The following DOC2A variants were observed in gnomAD, a reference collection of about 807,000 sequenced individuals.
The protein encoded by DOC2A is double C2 domain alpha, also known as double C2-like domain-containing protein alpha.
A neutral mutation model predicts 40.6 loss-of-function variants in DOC2A; 28 were observed. The observed-to-expected ratio is 0.69, with a 90% confidence interval of 0.51 to 0.95. The LOEUF is 0.95. DOC2A is among the 40% of genes least tolerant of loss of function. DOC2A has a pLI of 0.00. For synonymous variants in DOC2A, 241 were observed against 236.9 expected, an observed-to-expected ratio of 1.02 and a Z score of -0.16; for missense variants, 474 against 552.5, an observed-to-expected ratio of 0.86 and a Z score of 1.42.
At chr16:30,017,974 A>AAAAT (rs1358180411) in intron 1 of DOC2A, among the ~76,000 whole-genome samples, 2 of 149,254 alleles carry the variant, frequency 1.3e-5, no homozygotes, top group Non-Finnish European at 3.0e-5. Flanking sequence ...AAAAAAAAAA[A>AAAAT]AAAAGAAAGA....
chr16:30,017,100 A>T (rs2070862248), upstream of DOC2A, among the ~76,000 whole-genome samples: 1 of 152,114 alleles, frequency 6.6e-6, no homozygotes, highest in Non-Finnish European at 1.5e-5. Context: ...AGCCTGGTCA[A>T]CATGACGAAA....
At position 30,010,374 on chromosome 16, in the gene DOC2A, C is replaced by A. The variant is rs2070746746; in HGVS notation, c.-13-139G>T. 6 of 1,242,928 alleles carry A rather than the reference C, an allele frequency of 4.8e-6. No homozygotes were observed. Among genetic ancestry groups the A allele is most frequent in the African/African-American group, 4.4e-5 (3 of 67,510 alleles). 77.0% of individuals were successfully genotyped at this position (1,242,928 alleles called of 1,614,324 possible). ...CGAGGGAGAGGGTGGTGTGTGCCAG[C>A]CGGTGGCAGGTGGGAGGCCTGGGCC... is the stretch of plus-strand genomic sequence containing the variant. On this transcript the variant is annotated intron_variant, in intron 1 of 10. Transcript: ENST00000350119. This position sits in a 1 kb window ranked among gnomAD's most constrained non-coding sequence, Gnocchi z 4.2.
chr16:30,011,194 A>C, upstream of DOC2A: 1 of 662,718 alleles, frequency 1.5e-6, no homozygotes, highest in Non-Finnish European at 1.9e-6. Flanking sequence ...GCGCGCGCAC[A>C]CTCACGCAGG....
At position 30,008,968 on chromosome 16, in the gene DOC2A, G is replaced by A. The variant is rs757736610; in HGVS notation, c.527+28C>T. ...CAATGTCAGCTGTCCCCGAGCTGCT[G>A]CTGGGTGGTGGGGAGGGGGGCCCTC... On this transcript the variant is annotated intron_variant, in intron 5 of 10. Coordinates refer to ENST00000350119, the MANE Select transcript of DOC2A (RefSeq NM_003586.3). 18 of 1,481,476 alleles carry A rather than the reference G, an allele frequency of 1.2e-5. No individual in the cohort carries two copies. In the Admixed American group the frequency reaches 3.0e-4, roughly 25 times the overall value. The allele number at this position is 1,481,476 out of a possible 1,614,324, so 91.8% of individuals were successfully genotyped here. A position where few individuals can be genotyped will look rare whatever the true frequency, so the allele number is the denominator to read the frequency against.
upstream of DOC2A, chr16:30,023,160 C>T: frequency 1.9e-6 from 1 of 518,784 alleles, no homozygotes; most frequent in Non-Finnish European, 3.5e-6. Flanking sequence ...ATGGTTTTAT[C>T]ATCAGCGACA....
upstream of DOC2A, chr16:30,012,306 TC>T (rs2070795600): frequency 6.6e-6 from 1 of 152,182 alleles, no homozygotes; most frequent in Admixed American, 6.5e-5. Context: ...CCGTCAGGAC[TC>T]GGCTCAGCAC....
upstream of DOC2A, among the ~76,000 whole-genome samples, chr16:30,013,767 T>C (rs1434277072): frequency 1.3e-5 from 2 of 151,120 alleles, no homozygotes; most frequent in Admixed American, 1.3e-4. Context: ...CAGGCTGGAG[T>C]GCAATGGTGC....
At position 30,006,963 on chromosome 16, in the gene DOC2A, C is replaced by CT. The variant is rs1371689247; in HGVS notation, c.715-16dup. 6.2e-7 allele frequency: 1 copy of CT among 1,613,786 alleles called. No homozygotes were observed. Among genetic ancestry groups the CT allele is most frequent in the East Asian group, 2.2e-5 (1 of 44,874 alleles). ...GCCTGCTCCAACTGCGGGGCACAGA[C>CT]TCAGGGTCAGCCTGGGCCCCTGCAG... On this transcript the variant is annotated splice_polypyrimidine_tract_variant and intron_variant, in intron 7 of 10. Coordinates refer to ENST00000350119, the MANE Select transcript of DOC2A (RefSeq NM_003586.3). The surrounding 1 kb of genome is among the most constrained non-coding windows in gnomAD (Gnocchi z 6.2).
chr16:30,005,978 G>A lies in DOC2A; in HGVS notation c.*208C>T. On this transcript the variant is annotated 3_prime_UTR_variant, in exon 11 of 11. Transcript: ENST00000350119. Reference sequence around the variant, plus strand: ...TGATGGGGGGTTTGCATATTTGCAGGGACTAGCGAGTCAGGCAGGAGGTTT... The same window carrying A: ...TGATGGGGGGTTTGCATATTTGCAGAGACTAGCGAGTCAGGCAGGAGGTTT... 1 of 628,762 alleles carries A rather than the reference G, an allele frequency of 1.6e-6. No individual in the cohort carries two copies. Among genetic ancestry groups the A allele is most frequent in the Non-Finnish European group, 2.7e-6 (1 of 365,794 alleles). The allele number at this position is 628,762 out of a possible 1,614,324, so 38.9% of individuals were successfully genotyped here.
Position 30,010,937 on chromosome 16 carries a change from A to C in DOC2A, c.-48T>G, listed in dbSNP as rs1216613508. On this transcript the variant is annotated 5_prime_UTR_variant, in exon 1 of 11. Coordinates refer to ENST00000350119, the MANE Select transcript of DOC2A (RefSeq NM_003586.3). This position sits in a 1 kb window ranked among gnomAD's most constrained non-coding sequence, Gnocchi z 4.2. ...CAACAGGTGCCCAGGCACTGGGGGG[A>C]CGGCGGGCGCAGGCTGGGCGGCGGC... 3.0e-6 allele frequency: 3 copies of C among 1,009,466 alleles called. No individual in the cohort carries two copies. The highest frequency in any genetic ancestry group is 1.8e-5 in the African/African-American group (1 of 57,140). The allele number at this position is 1,009,466 out of a possible 1,614,324, so 62.5% of individuals were successfully genotyped here. A position where few individuals can be genotyped will look rare whatever the true frequency, so the allele number is the denominator to read the frequency against.
upstream of DOC2A, among the ~76,000 whole-genome samples, chr16:30,012,016 A>T (rs967403789): frequency 2.6e-5 from 4 of 151,916 alleles, no homozygotes; most frequent in Admixed American, 2.6e-4. Flanking sequence ...TGCGCCTGCC[A>T]CGGAGTGTCA....
intron 5 of DOC2A, chr16:30,008,770 T>A (rs1452804661): frequency 9.8e-6 from 5 of 511,284 alleles, no homozygotes; most frequent in Middle Eastern, 5.5e-4. Context: ...CCTCCCAAAG[T>A]GCTGGGATTA....
rs200020237 is a variant in DOC2A at position 30,009,518 on chromosome 16, C to T, written c.302G>A (p.Arg101Gln). 233 of 1,551,492 alleles carry T rather than the reference C, an allele frequency of 1.5e-4. 1 individual carries two copies. The South Asian group carries it at 2.1e-3, about 14-fold the overall frequency. ...GCTACAGTGCAGAGTGCAGGAGGCC[C>T]GGTCGTAGAGAAGGTCAAACTCCAG... is the stretch of plus-strand genomic sequence containing the variant. The part of the protein sequence containing the change: ...GTLEFDLLYD[R>Q]ASCTLHCSIL... The change falls in exon 3 of 11, where the codon CGG (arginine) becomes CAG (glutamine). Residue 101 changes from arginine (R) to glutamine (Q), a missense_variant. By Grantham distance (43) the Arg-to-Gln change is conservative. Coordinates refer to ENST00000350119, the MANE Select transcript of DOC2A (RefSeq NM_003586.3). This position sits in a 1 kb window ranked among gnomAD's most constrained non-coding sequence, Gnocchi z 4.1.
upstream of DOC2A, chr16:30,011,354 A>C: frequency 1.0e-6 from 1 of 984,054 alleles, no homozygotes; most frequent in Non-Finnish European, 1.2e-6. Flanking sequence ...ACACACACGC[A>C]CTCGCAAACA....
Position 30,006,903 on chromosome 16 carries a change from G to C in DOC2A, c.760C>G (p.Arg254Gly). The C allele has an allele frequency of 6.2e-7, 1 of 1,613,156 alleles. No homozygotes were observed. Among genetic ancestry groups the C allele is most frequent in the Non-Finnish European group, 8.5e-7 (1 of 1,179,602 alleles). The change falls in exon 8 of 11, where the codon CGC becomes GGC. Residue 254 changes from arginine to glycine, a missense_variant. Coordinates refer to ENST00000350119, the MANE Select transcript of DOC2A (RefSeq NM_003586.3). The surrounding 1 kb of genome is among the most constrained non-coding windows in gnomAD (Gnocchi z 6.2). ...CTGTAGCTGAGACTCAGCAGGATGC[G>C]GCCACGCTCCTCCAGCAGCCCCTGC... Reference protein sequence around the residue: ...QGQGLLEERGRILLSLSYSSR... With the variant: ...QGQGLLEERGGILLSLSYSSR...
chr16:30,020,078 T>G (rs886569387), intron 1 of DOC2A, among the ~76,000 whole-genome samples: 9 of 152,060 alleles, frequency 5.9e-5, no homozygotes, highest in African/African-American at 2.2e-4. Flanking sequence ...CCGGCTTATT[T>G]TTGTATTTTT....
rs751374412 is a variant in DOC2A, at chr16:30,009,186, G to A, written c.417+16C>T. ...AGTCATGGGCTGGGCCGGGCGGGGC[G>A]AGAGGAGGCTGTTACCTTACAGGCT... On this transcript the variant is annotated intron_variant, in intron 4 of 10. Coordinates refer to ENST00000350119, the MANE Select transcript of DOC2A (RefSeq NM_003586.3). This position sits in a 1 kb window ranked among gnomAD's most constrained non-coding sequence, Gnocchi z 4.1. 24 of 1,605,948 alleles carry A rather than the reference G, an allele frequency of 1.5e-5. No individual in the cohort carries two copies. Among genetic ancestry groups the A allele is most frequent in the Middle Eastern group, 1.7e-4 (1 of 6,052 alleles).
upstream of DOC2A, among the ~76,000 whole-genome samples, chr16:30,014,218 G>A (rs1345506831): frequency 6.9e-6 from 1 of 144,976 alleles, no homozygotes; most frequent in Non-Finnish European, 1.5e-5. Flanking sequence ...CTTTGCCCAA[G>A]CTGGTCTCAA....
Position 30,009,175 on chromosome 16 carries a change from C to A in DOC2A, c.417+27G>T. The A allele has an allele frequency of 6.2e-6, 10 of 1,609,474 alleles. No individual in the cohort carries two copies. The highest frequency in any genetic ancestry group is 1.1e-5 in the South Asian group (1 of 90,566). On this transcript the variant is annotated intron_variant, in intron 4 of 10. Coordinates refer to ENST00000350119, the MANE Select transcript of DOC2A (RefSeq NM_003586.3). The surrounding 1 kb of genome is among the most constrained non-coding windows in gnomAD (Gnocchi z 4.1). ...CCACAGGCTGGAGTCATGGGCTGGG[C>A]CGGGCGGGGCGAGAGGAGGCTGTTA...
Sources: allele counts gnomAD v4.1 joint callset (sites outside exome capture counted in the v4.1 genomes callset), GRCh38; gene constraint gnomAD v4.1.1; non-coding constraint Gnocchi (gnomAD v3.1); transcripts MANE v1.5; gene names NCBI Gene and HGNC (gene_info 2026-07-23, HGNC 2026-07-21).